Variants in PCDH7 observed in about 807,000 individuals in gnomAD.
PCDH7 encodes the protein protocadherin-7.
Under a neutral mutation model 58.9 loss-of-function variants are expected in PCDH7, and 17 were observed. The ratio of observed to expected loss-of-function variants is 0.29; its 90% confidence interval spans 0.20 to 0.43. The LOEUF (loss-of-function observed/expected upper bound fraction) is 0.43, where lower values mean the gene tolerates loss of function less well. Ranked by LOEUF, PCDH7 falls within the 20% of genes least tolerant of loss-of-function variation. PCDH7 has a pLI of 1.00. For missense variants in PCDH7, 1,274 were observed against 1,441.0 expected (o/e 0.88, Z 1.88); for synonymous variants, 664 against 616.4 (o/e 1.08, Z -1.14).
Position 30,781,073 on chromosome 4 carries a change from G to C in PCDH7, c.70+56477G>C, listed in dbSNP as rs575987403. On this transcript the variant is annotated intron_variant, in intron 1 of 3. Coordinates refer to the PCDH7 transcript ENST00000509759. ...CTCAGAACCAGGACTGTGTTTTATG[G>C]TGCTTTGTATTTCCTTCCATGCCTC... 3.9e-5 allele frequency among the ~76,000 whole-genome samples: 6 copies of C among 152,226 alleles called. No homozygotes were observed. The East Asian group carries it at 1.2e-3, about 29-fold the overall frequency.
chr4:31,094,232 G>A (rs9999226), intron 3 of PCDH7, among the ~76,000 whole-genome samples: 44,824 of 151,968 alleles, frequency 0.29, 9,993 homozygotes, highest in East Asian at 0.74. Flanking sequence ...AAAACCAATA[G>A]CATCTTCAGG....
chr4:31,057,611 G>C (rs1022596871), intron 3 of PCDH7, among the ~76,000 whole-genome samples: 7 of 152,112 alleles, frequency 4.6e-5, no homozygotes, highest in Admixed American at 2.6e-4. Context: ...GAATGAACAA[G>C]AAAATCAAGC....
exon 2 of PCDH7, chr4:30,731,071 T>A (rs1282078899): frequency 6.2e-6 from 7 of 1,138,008 alleles, no homozygotes; most frequent in East Asian, 4.5e-5. Context: ...CTATTAGACG[T>A]AACAGTGATG....
intron 1 of PCDH7, among the ~76,000 whole-genome samples, chr4:30,741,540 A>G (rs192091393): frequency 6.6e-6 from 1 of 152,128 alleles, no homozygotes; most frequent in Admixed American, 6.5e-5. Context: ...TTTCCTAGGA[A>G]TGGAAATAAA....
chr4:30,821,201 G>A (rs1056975082), intron 1 of PCDH7, among the ~76,000 whole-genome samples: 1 of 152,144 alleles, frequency 6.6e-6, no homozygotes, highest in African/African-American at 2.4e-5. Flanking sequence ...TTCACTCTCA[G>A]GTATGTCTGA....
chr4:31,102,119 T>C (rs1426003549), intron 3 of PCDH7, among the ~76,000 whole-genome samples: 1 of 152,184 alleles, frequency 6.6e-6, no homozygotes, highest in Non-Finnish European at 1.5e-5. Flanking sequence ...CTTAGAATTG[T>C]TACTGTAAAT....
intron 1 of PCDH7, among the ~76,000 whole-genome samples, chr4:30,849,972 G>A (rs1436755006): frequency 6.6e-6 from 1 of 152,012 alleles, no homozygotes; most frequent in Non-Finnish European, 1.5e-5. Context: ...TTTGCCTATA[G>A]CATAATTTTC....
chr4:31,019,226 A>G (rs1412467165), intron 3 of PCDH7, among the ~76,000 whole-genome samples: 1 of 152,218 alleles, frequency 6.6e-6, no homozygotes, highest in Non-Finnish European at 1.5e-5. Context: ...AAATTATGAT[A>G]TATTTATAAA....
chr4:30,881,470 A>G (rs933689537), intron 1 of PCDH7, among the ~76,000 whole-genome samples: 1 of 152,148 alleles, frequency 6.6e-6, no homozygotes, highest in Non-Finnish European at 1.5e-5. Flanking sequence ...AAAAACAAAC[A>G]TGCACATTTA....
intron 3 of PCDH7, among the ~76,000 whole-genome samples, chr4:31,117,094 G>A (rs989396792): frequency 5.9e-5 from 9 of 152,108 alleles, no homozygotes; most frequent in African/African-American, 1.9e-4. Flanking sequence ...TACCATGTTG[G>A]TCAGGCTGAA....
chr4:31,116,654 T>C (rs1020343948), intron 3 of PCDH7, among the ~76,000 whole-genome samples: 6 of 152,186 alleles, frequency 3.9e-5, no homozygotes, highest in African/African-American at 1.4e-4. Context: ...GCAAGTTGAA[T>C]ACAGGAAGTT....
At chr4:30,948,576 A>G (rs1746997428) in intron 2 of PCDH7, among the ~76,000 whole-genome samples, 1 of 152,202 alleles carries the variant, frequency 6.6e-6, no homozygotes, top group Admixed American at 6.5e-5. Flanking sequence ...TTTAAGTTAA[A>G]TACAAAATTA....
chr4:30,897,196 G>A (rs920791229), intron 1 of PCDH7, among the ~76,000 whole-genome samples: 13 of 151,980 alleles, frequency 8.6e-5, no homozygotes, highest in African/African-American at 2.7e-4. Flanking sequence ...GAGCCACCGC[G>A]CCCGGCCTCC....
At chr4:30,878,174 G>A (rs980477516) in intron 1 of PCDH7, among the ~76,000 whole-genome samples, 3 of 152,088 alleles carry the variant, frequency 2.0e-5, no homozygotes, top group Non-Finnish European at 2.9e-5. Flanking sequence ...GCAATGGGTT[G>A]ACTCTATGAT....
At chr4:31,078,491 T>TTTTTTC (rs1560627103) in intron 3 of PCDH7, among the ~76,000 whole-genome samples, 3 of 149,414 alleles carry the variant, frequency 2.0e-5, no homozygotes, top group Admixed American at 6.7e-5. Flanking sequence ...TTTCTTTTTT[T>TTTTTTC]TTTTTTTGGT....
At chr4:30,974,093 C>A (rs1749836465) in intron 3 of PCDH7, among the ~76,000 whole-genome samples, 1 of 151,732 alleles carries the variant, frequency 6.6e-6, no homozygotes, top group Non-Finnish European at 1.5e-5. Flanking sequence ...ATTTCTCATG[C>A]CAGTTATGAA....
intron 3 of PCDH7, among the ~76,000 whole-genome samples, chr4:31,054,375 A>C (rs956271943): frequency 6.6e-6 from 1 of 152,174 alleles, no homozygotes; most frequent in African/African-American, 2.4e-5. Flanking sequence ...AAAATTATTA[A>C]CATGTCCAAG....
At chr4:31,042,438 T>C (rs1755948742) in intron 3 of PCDH7, among the ~76,000 whole-genome samples, 1 of 152,154 alleles carries the variant, frequency 6.6e-6, no homozygotes. Flanking sequence ...TGATGAACAG[T>C]GTTGCAATAA....
chr4:30,971,161 C>T (rs1008779913), intron 3 of PCDH7, among the ~76,000 whole-genome samples: 1 of 152,136 alleles, frequency 6.6e-6, no homozygotes. Context: ...AACACTAGCT[C>T]TTAAAGAAAT....
Sources: allele counts gnomAD v4.1 joint callset (sites outside exome capture counted in the v4.1 genomes callset), GRCh38; gene constraint gnomAD v4.1.1; transcripts MANE v1.5; gene names NCBI Gene and HGNC (gene_info 2026-07-23, HGNC 2026-07-21).